Variants in GRID1 observed in about 807,000 individuals in gnomAD.
GRID1 encodes glutamate receptor ionotropic, delta-1.
GRID1 carries 28 observed loss-of-function variants against 98.0 expected under a neutral mutation model. The ratio of observed to expected loss-of-function variants is 0.29; its 90% CI spans 0.21 to 0.39. The LOEUF is 0.39. Ranked by LOEUF, GRID1 falls within the 10% of genes least tolerant of loss-of-function variation. GRID1 has a pLI of 1.00. For missense variants in GRID1, 1,111 were observed against 1,340.5 expected (o/e 0.83, Z 2.67); for synonymous variants, 553 against 538.5 (o/e 1.03, Z -0.37).
At chr10:85,894,006 G>A (rs745664499) in intron 5 of GRID1, among the ~76,000 whole-genome samples, 15 of 152,106 alleles carry the variant, frequency 9.9e-5, no homozygotes, top group Admixed American at 9.2e-4. Context: ...AGGTGAAAAC[G>A]ACGTTTCAAA....
At chr10:86,308,060 C>T (rs1847783370) in intron 2 of GRID1, among the ~76,000 whole-genome samples, 2 of 152,170 alleles carry the variant, frequency 1.3e-5, no homozygotes, top group Non-Finnish European at 2.9e-5. Context: ...CCTACATCCC[C>T]TCCCCCAAGG....
At chr10:86,122,095 G>T (rs1844685446) in intron 4 of GRID1, among the ~76,000 whole-genome samples, 1 of 152,192 alleles carries the variant, frequency 6.6e-6, no homozygotes, top group Non-Finnish European at 1.5e-5. Flanking sequence ...CCATAGAAGG[G>T]AGACAAATGC....
In GRID1 at chr10:86,068,401, C is replaced by G. The variant is rs541434140; in HGVS notation, c.726+70418G>C. Among the ~76,000 whole-genome samples, 233 of 152,318 alleles carry G rather than the reference C, an allele frequency of 1.5e-3. 7 individuals are homozygous for G. In the South Asian group the frequency reaches 0.046, roughly 30 times the overall value. ...AGCAGGGAGAGAGAAAACTTCCCCC[C>G]ACTGAGGAGTTCAAATCACCATTCT... On this transcript the variant is annotated intron_variant, in intron 4 of 15. Coordinates refer to ENST00000327946, the MANE Select transcript of GRID1 (RefSeq NM_017551.3).
chr10:85,818,351 T>C (rs111455665), intron 8 of GRID1, among the ~76,000 whole-genome samples: 30,666 of 151,766 alleles, frequency 0.2, 3,159 homozygotes, highest in South Asian at 0.27. Flanking sequence ...AATGGATAGA[T>C]AGACAGACAG....
chr10:85,634,866 T>G (rs1035207632), intron 13 of GRID1, among the ~76,000 whole-genome samples: 4 of 151,720 alleles, frequency 2.6e-5, no homozygotes, highest in Admixed American at 2.6e-4. Flanking sequence ...ATGTAAAAAC[T>G]TAAGTCATAA....
intron 2 of GRID1, among the ~76,000 whole-genome samples, chr10:86,211,020 G>A (rs1846100134): frequency 6.6e-6 from 1 of 152,214 alleles, no homozygotes; most frequent in African/African-American, 2.4e-5. Context: ...GGTCCTCTCT[G>A]GGTTACTGGT....
At chr10:85,719,276 C>A (rs143286330) in intron 12 of GRID1, among the ~76,000 whole-genome samples, 1 of 152,144 alleles carries the variant, frequency 6.6e-6, no homozygotes, top group African/African-American at 2.4e-5. Context: ...TCTTCTGAGC[C>A]GTCCAAACTG....
chr10:86,101,768 T>C (rs1844299799), intron 4 of GRID1, among the ~76,000 whole-genome samples: 1 of 151,980 alleles, frequency 6.6e-6, no homozygotes, highest in Non-Finnish European at 1.5e-5. Context: ...GCCTTCTGAG[T>C]GGCTGGGACT....
At chr10:86,127,951 T>C (rs1044285460) in intron 4 of GRID1, among the ~76,000 whole-genome samples, 1 of 152,146 alleles carries the variant, frequency 6.6e-6, no homozygotes, top group Non-Finnish European at 1.5e-5. Flanking sequence ...GAGCATTCCC[T>C]CATTTAATTC....
At chr10:85,893,288 A>T (rs1367115122) in intron 5 of GRID1, among the ~76,000 whole-genome samples, 2 of 152,190 alleles carry the variant, frequency 1.3e-5, no homozygotes, top group Non-Finnish European at 2.9e-5. Context: ...CATTAATGAT[A>T]AAAGGCTGAA....
intron 12 of GRID1, among the ~76,000 whole-genome samples, chr10:85,649,109 T>C (rs1412094668): frequency 6.6e-6 from 1 of 152,228 alleles, no homozygotes; most frequent in Admixed American, 6.5e-5. Context: ...GTGATTATTC[T>C]GGGTCCCCAG....
At chr10:85,724,295 G>T in intron 11 of GRID1, 57 bp downstream of exon 11, 1 of 1,385,818 alleles carries the variant, frequency 7.2e-7, no homozygotes, top group Non-Finnish European at 9.9e-7. Flanking sequence ...CTTTGCCAAT[G>T]GATAAGTTCT....
At chr10:85,880,726 C>A (rs1298976714) in intron 5 of GRID1, among the ~76,000 whole-genome samples, 1 of 152,058 alleles carries the variant, frequency 6.6e-6, no homozygotes, top group Non-Finnish European at 1.5e-5. Flanking sequence ...ACAGGGATGC[C>A]CCCTCTCACC....
chr10:86,310,760 G>C (rs1232542638), intron 2 of GRID1, among the ~76,000 whole-genome samples: 1 of 152,150 alleles, frequency 6.6e-6, no homozygotes, highest in Non-Finnish European at 1.5e-5. Flanking sequence ...GAGCACCCCA[G>C]TCTGCTGGAG....
intron 12 of GRID1, among the ~76,000 whole-genome samples, chr10:85,666,951 C>T (rs1841026001): frequency 6.6e-6 from 1 of 152,160 alleles, no homozygotes; most frequent in African/African-American, 2.4e-5. Context: ...AGTTGAGCCC[C>T]ACAATATTTC....
intron 4 of GRID1, among the ~76,000 whole-genome samples, chr10:85,994,671 G>A (rs1270678127): frequency 6.6e-6 from 1 of 152,210 alleles, no homozygotes; most frequent in Non-Finnish European, 1.5e-5. Context: ...TGTGGCAGTG[G>A]ACAGAATGCT....
intron 3 of GRID1, among the ~76,000 whole-genome samples, chr10:86,164,097 C>A (rs1295263500): frequency 6.6e-6 from 1 of 152,218 alleles, no homozygotes; most frequent in Non-Finnish European, 1.5e-5. Context: ...GCCGGTGCAC[C>A]AGGCTGGGCA....
chr10:86,142,109 G>A (rs751575929), intron 3 of GRID1, among the ~76,000 whole-genome samples: 1 of 152,248 alleles, frequency 6.6e-6, no homozygotes, highest in African/African-American at 2.4e-5. Context: ...AGCTGCTGGA[G>A]GAATGTGGGG....
At chr10:86,212,658 G>T (rs541109011) in intron 2 of GRID1, among the ~76,000 whole-genome samples, 2 of 152,240 alleles carry the variant, frequency 1.3e-5, no homozygotes, top group South Asian at 2.1e-4. Context: ...GCACCCACCT[G>T]CCCCCAGCCA....
Sources: allele counts gnomAD v4.1 joint callset (sites outside exome capture counted in the v4.1 genomes callset), GRCh38; gene constraint gnomAD v4.1.1; transcripts MANE v1.5; gene names NCBI Gene and HGNC (gene_info 2026-07-23, HGNC 2026-07-21).